The following ABCB11 variants were observed in gnomAD, a reference collection of about 807,000 sequenced individuals.
The protein encoded by ABCB11 is bile salt export pump.
ABCB11 carries 95 observed loss-of-function variants against 148.0 expected under a neutral mutation model. The ratio of observed to expected loss-of-function variants is 0.64; its 90% CI spans 0.54 to 0.76. The LOEUF is 0.76. Among genes scored for constraint, ABCB11 ranks in the 30% least tolerant of loss-of-function variants. The pLI is 0.00. For synonymous variants in ABCB11, 591 were observed against 555.4 expected (o/e 1.06, Z -0.90); for missense variants, 1,523 against 1,617.8 (o/e 0.94, Z 1.01).
chr2:169,002,414 A>G (rs563808020), intron 5 of ABCB11, among the ~76,000 whole-genome samples: 6 of 152,318 alleles, frequency 3.9e-5, no homozygotes, highest in African/African-American at 1.4e-4. Flanking sequence ...AGTTAGAAAT[A>G]GAACTGCTAT....
At chr2:169,019,987 T>G (rs776974017) in intron 1 of ABCB11, among the ~76,000 whole-genome samples, 3 of 152,042 alleles carry the variant, frequency 2.0e-5, no homozygotes, top group African/African-American at 7.2e-5. Context: ...AAGGGAGCCA[T>G]GAAAGAGAGA....
chr2:168,961,997 C>T (rs892041306), intron 18 of ABCB11, among the ~76,000 whole-genome samples: 2 of 151,670 alleles, frequency 1.3e-5, no homozygotes, highest in African/African-American at 4.8e-5. Flanking sequence ...AATACCAAAA[C>T]AGAGCAACAT....
At chr2:168,953,163 G>A (rs1029112942) in intron 19 of ABCB11, among the ~76,000 whole-genome samples, 4 of 151,586 alleles carry the variant, frequency 2.6e-5, no homozygotes, top group African/African-American at 9.7e-5. Context: ...ATATCCTGAG[G>A]AAAAGACTGT....
At chr2:169,013,015 T>C (rs971552822) in intron 5 of ABCB11, among the ~76,000 whole-genome samples, 6 of 152,132 alleles carry the variant, frequency 3.9e-5, no homozygotes, top group Admixed American at 6.6e-5. Flanking sequence ...AAGCCTATAC[T>C]CAATAAAGTG....
chr2:168,919,881 G>GTT (rs200718460), downstream of ABCB11, among the ~76,000 whole-genome samples: 13 of 150,060 alleles, frequency 8.7e-5, no homozygotes, highest in African/African-American at 1.2e-4. Flanking sequence ...TTTTGGTTTT[G>GTT]TTTTTTTTTG....
intron 19 of ABCB11, among the ~76,000 whole-genome samples, chr2:168,950,716 AT>A (rs1452241393): frequency 3.3e-5 from 5 of 151,894 alleles, no homozygotes; most frequent in Admixed American, 6.6e-5. Context: ...ATTTTCTCCA[AT>A]TGTGTAAGTT....
In ABCB11 at chr2:168,998,450, A is replaced by T. The variant is rs60715116; in HGVS notation, c.390-1728T>A. Among the ~76,000 whole-genome samples, 1,152 of 152,196 alleles carry T rather than the reference A, an allele frequency of 7.6e-3. 14 individuals are homozygous for T. The highest frequency in any genetic ancestry group is 0.026 in the African/African-American group (1,099 of 41,530). On this transcript the variant is annotated intron_variant, in intron 5 of 27. Coordinates refer to ENST00000650372, the MANE Select transcript of ABCB11 (RefSeq NM_003742.4). ...AAAAGAGCTAGAAGAGAGGATTTTGAATGTCCTCACCACAACGACATGATA... is the reference window on the plus strand; with the variant it reads ...AAAAGAGCTAGAAGAGAGGATTTTGTATGTCCTCACCACAACGACATGATA...
rs943771268 is a variant in ABCB11, at chr2:168,927,438, G to T, written c.3412-76C>A. On this transcript the variant is annotated intron_variant, in intron 25 of 27. Coordinates refer to ENST00000650372, the MANE Select transcript of ABCB11 (RefSeq NM_003742.4). ...GAGGAAAGTTCATATTCTAGCATTA[G>T]GTGTTATGCAGGACATTTGGTTTGC... 8.1e-5 allele frequency: 100 copies of T among 1,237,250 alleles called. 2 individuals carry two copies. In the Admixed American group the frequency reaches 2.0e-3, roughly 24 times the overall value. The allele number at this position is 1,237,250 out of a possible 1,614,324, so 76.6% of individuals were successfully genotyped here.
intron 19 of ABCB11, among the ~76,000 whole-genome samples, chr2:168,946,175 A>G (rs1315566107): frequency 6.6e-6 from 1 of 151,940 alleles, no homozygotes; most frequent in Non-Finnish European, 1.5e-5. Flanking sequence ...TGGGAAGGTC[A>G]GAAGTATGCA....
chr2:168,939,893 T>C (rs1397432838), intron 21 of ABCB11, among the ~76,000 whole-genome samples: 3 of 152,242 alleles, frequency 2.0e-5, no homozygotes, highest in African/African-American at 2.4e-5. Context: ...ATATCTGTTA[T>C]GGTGATCTGT....
intron 10 of ABCB11, among the ~76,000 whole-genome samples, chr2:168,985,589 T>C (rs933368837): frequency 6.6e-6 from 1 of 151,982 alleles, no homozygotes; most frequent in Non-Finnish European, 1.5e-5. Flanking sequence ...ATTACATATA[T>C]ATATGGCAGA....
intron 12 of ABCB11, among the ~76,000 whole-genome samples, chr2:168,974,341 A>T (rs2105969331): frequency 6.6e-6 from 1 of 152,164 alleles, no homozygotes; most frequent in Non-Finnish European, 1.5e-5. Flanking sequence ...TTACTTAATA[A>T]ATATACACGG....
intron 23 of ABCB11, among the ~76,000 whole-genome samples, chr2:168,934,819 C>T (rs377458600): frequency 1.3e-5 from 2 of 152,166 alleles, no homozygotes; most frequent in African/African-American, 4.8e-5. Context: ...GATGGTATGA[C>T]TTTCTTTGGC....
At chr2:169,028,919 C>T (rs1421256468) in intron 1 of ABCB11, among the ~76,000 whole-genome samples, 1 of 152,122 alleles carries the variant, frequency 6.6e-6, no homozygotes, top group Non-Finnish European at 1.5e-5. Flanking sequence ...AACATGTTGA[C>T]CTTTTCTAGA....
At chr2:169,007,487 C>G (rs957819677) in intron 5 of ABCB11, among the ~76,000 whole-genome samples, 1 of 152,128 alleles carries the variant, frequency 6.6e-6, no homozygotes, top group Non-Finnish European at 1.5e-5. Context: ...AGGATTAGAG[C>G]ATCTGCTAAG....
Position 168,923,420 on chromosome 2 carries a change from C to G in ABCB11, c.*202G>C. ...TAGTTTCTTTCATTTTCTGTATACA[C>G]ATCTAAAGCAGAATTATTATGGAAG... On this transcript the variant is annotated 3_prime_UTR_variant, in exon 28 of 28. Coordinates refer to ENST00000650372, the MANE Select transcript of ABCB11 (RefSeq NM_003742.4). The G allele has an allele frequency of 1.6e-6, 1 of 620,120 alleles. No individual in the cohort carries two copies. Among genetic ancestry groups the G allele is most frequent in the Non-Finnish European group, 2.8e-6 (1 of 354,080 alleles). The allele number at this position is 620,120 out of a possible 1,614,324, so 38.4% of individuals were successfully genotyped here. A position where few individuals can be genotyped will look rare whatever the true frequency, so the allele number is the denominator to read the frequency against.
chr2:168,975,779 G>GAT (rs1160651846), intron 12 of ABCB11, among the ~76,000 whole-genome samples: 1 of 146,514 alleles, frequency 6.8e-6, no homozygotes, highest in South Asian at 2.1e-4. Flanking sequence ...ACAGATATAT[G>GAT]ATATATATAT....
At chr2:168,968,226 A>G (rs1359352534) in intron 17 of ABCB11, among the ~76,000 whole-genome samples, 1 of 105,314 alleles carries the variant, frequency 9.5e-6, no homozygotes, top group Non-Finnish European at 2.3e-5. Flanking sequence ...GAAGATGAGA[A>G]GCTAACCAAA....
intron 5 of ABCB11, among the ~76,000 whole-genome samples, chr2:168,997,691 T>C (rs1407129858): frequency 1.3e-5 from 2 of 152,054 alleles, no homozygotes; most frequent in African/African-American, 4.8e-5. Flanking sequence ...GCCTTCTTTT[T>C]GTGGCTTGAG....
Sources: allele counts gnomAD v4.1 joint callset (sites outside exome capture counted in the v4.1 genomes callset), GRCh38; gene constraint gnomAD v4.1.1; transcripts MANE v1.5; gene names NCBI Gene and HGNC (gene_info 2026-07-23, HGNC 2026-07-21).